PPARGC1A: variants seen among roughly 807,000 people sequenced by gnomAD.
PPARGC1A encodes the protein peroxisome proliferator-activated receptor gamma coactivator 1-alpha.
Under a neutral mutation model 88.7 loss-of-function variants are expected in PPARGC1A, and 25 were observed. The ratio of observed to expected loss-of-function variants is 0.28; its 90% confidence interval spans 0.21 to 0.39. PPARGC1A has a LOEUF of 0.39. Among genes scored for constraint, PPARGC1A ranks in the 10% least tolerant of loss-of-function variants. The pLI is 1.00. For synonymous variants in PPARGC1A, 363 were observed against 355.6 expected (o/e 1.02, Z -0.24); for missense variants, 880 against 968.7 (o/e 0.91, Z 1.22).
chr4:24,338,006 C>T, the PPARGC1A span, among the ~76,000 whole-genome samples: 18 of 152,128 alleles, frequency 1.2e-4, no homozygotes, highest in Non-Finnish European at 2.1e-4. Flanking sequence ...GTCTGAACTC[C>T]CCTCTTCTCT....
chr4:23,981,644 A>T, the PPARGC1A span, among the ~76,000 whole-genome samples: 1 of 152,224 alleles, frequency 6.6e-6, no homozygotes, highest in East Asian at 1.9e-4. Flanking sequence ...CGAGGAGTCC[A>T]CAACCAGAGA....
At chr4:23,827,346 C>A (rs1175800626) in intron 5 of PPARGC1A, among the ~76,000 whole-genome samples, 2 of 151,884 alleles carry the variant, frequency 1.3e-5, no homozygotes, top group Admixed American at 6.6e-5. Context: ...TAACAGCATA[C>A]CTACACGAAT....
the PPARGC1A span, among the ~76,000 whole-genome samples, chr4:24,287,156 G>C: frequency 2.0e-5 from 3 of 151,356 alleles, no homozygotes; most frequent in South Asian, 6.3e-4. Context: ...CAGCATCCCT[G>C]AGCTCTACCT....
the PPARGC1A span, among the ~76,000 whole-genome samples, chr4:24,130,026 A>C: frequency 6.6e-5 from 10 of 152,186 alleles, no homozygotes; most frequent in African/African-American, 2.4e-4. Context: ...GAGGGACAGC[A>C]TTTGGAGATA....
chr4:23,858,865 C>G (rs549283228), intron 2 of PPARGC1A, among the ~76,000 whole-genome samples: 46 of 150,642 alleles, frequency 3.1e-4, no homozygotes, highest in African/African-American at 1.1e-3. Context: ...TATGGACTGG[C>G]TGAGTTGAAA....
At chr4:23,896,740 CA>C (rs1323220374) in intron 1 of PPARGC1A, among the ~76,000 whole-genome samples, 1 of 151,992 alleles carries the variant, frequency 6.6e-6, no homozygotes, top group East Asian at 1.9e-4. Context: ...TTCATTTATA[CA>C]ATAGTAAATA....
the PPARGC1A span, among the ~76,000 whole-genome samples, chr4:24,220,644 G>A: frequency 2.6e-5 from 4 of 152,130 alleles, no homozygotes; most frequent in East Asian, 1.9e-4. Context: ...AATAATGCAC[G>A]TTCTCACTTA....
At chr4:23,907,220 T>C, upstream of PPARGC1A, among the ~76,000 whole-genome samples, 1 of 151,994 alleles carries the variant, frequency 6.6e-6, no homozygotes, top group East Asian at 1.9e-4. Flanking sequence ...CCATCGCACC[T>C]AAAAAAACAA....
chr4:24,087,299 A>C, the PPARGC1A span, among the ~76,000 whole-genome samples: 5 of 152,300 alleles, frequency 3.3e-5, no homozygotes, highest in East Asian at 9.7e-4. Flanking sequence ...ATCCAATTTC[A>C]CTTAGTTTTG....
chr4:24,386,077 G>C, the PPARGC1A span, among the ~76,000 whole-genome samples: 1 of 152,176 alleles, frequency 6.6e-6, no homozygotes, highest in African/African-American at 2.4e-5. Context: ...GGGATGCAAG[G>C]CTGGTTCAAC....
chr4:24,180,686 AAT>A, the PPARGC1A span, among the ~76,000 whole-genome samples: 1 of 152,182 alleles, frequency 6.6e-6, no homozygotes, highest in Non-Finnish European at 1.5e-5. Flanking sequence ...TCATGATCTG[AAT>A]AAGCAACTTG....
At chr4:24,198,531 C>T in the PPARGC1A span, among the ~76,000 whole-genome samples, 1 of 152,162 alleles carries the variant, frequency 6.6e-6, no homozygotes, top group Non-Finnish European at 1.5e-5. Flanking sequence ...TCTGAGACAC[C>T]TTTCCTCCAA....
chr4:24,470,644 C>T, the PPARGC1A span, among the ~76,000 whole-genome samples: 2 of 151,962 alleles, frequency 1.3e-5, no homozygotes, highest in Admixed American at 1.3e-4. The surrounding 1 kb of genome is among the most constrained non-coding windows in gnomAD (Gnocchi z 5.8). Context: ...ATCCTCACTC[C>T]GCGCGCCTGG....
chr4:24,008,267 T>C, the PPARGC1A span, among the ~76,000 whole-genome samples: 5 of 152,066 alleles, frequency 3.3e-5, no homozygotes, highest in African/African-American at 4.8e-5. Flanking sequence ...CGCAACCAAC[T>C]TGGGGAAGAT....
At chr4:24,092,568 A>G in the PPARGC1A span, among the ~76,000 whole-genome samples, 1 of 152,138 alleles carries the variant, frequency 6.6e-6, no homozygotes, top group African/African-American at 2.4e-5. Flanking sequence ...CCCTGCCTAT[A>G]TCACTTAATA....
At chr4:24,041,729 C>T in the PPARGC1A span, among the ~76,000 whole-genome samples, 2 of 152,012 alleles carry the variant, frequency 1.3e-5, no homozygotes, top group East Asian at 1.9e-4. Context: ...GTCAAAGATT[C>T]GACACACACC....
rs35160015 is a variant in PPARGC1A at position 23,899,061 on chromosome 4, C to G, written n.52+206G>C. Among the ~76,000 whole-genome samples the G allele has an allele frequency of 0.01, 1,050 of 101,638 alleles. 49 individuals carry two copies. The East Asian group carries it at 0.13, about 13-fold the overall frequency. The allele number at this position is 101,638 out of a possible 152,430, so 66.7% of individuals were successfully genotyped here. A position where few individuals can be genotyped will look rare whatever the true frequency, so the allele number is the denominator to read the frequency against. On this transcript the variant is annotated intron_variant and non_coding_transcript_variant, in intron 1 of 3. Coordinates refer to the PPARGC1A transcript ENST00000507342. ...TTCACCATGTTGGTCAGGCTGGTCT[C>G]GAACTCCAGACCTGATGATCCACCC...
At chr4:24,058,903 C>G in the PPARGC1A span, among the ~76,000 whole-genome samples, 2 of 152,208 alleles carry the variant, frequency 1.3e-5, no homozygotes, top group East Asian at 3.9e-4. Flanking sequence ...CGAGATCATG[C>G]CATTGCACCC....
the PPARGC1A span, among the ~76,000 whole-genome samples, chr4:24,380,723 ATGTCT>A: frequency 2.0e-5 from 3 of 152,168 alleles, no homozygotes; most frequent in African/African-American, 7.2e-5. Context: ...CAGAATCGAC[ATGTCT>A]TAATGGCCAG....
Sources: allele counts gnomAD v4.1 joint callset (sites outside exome capture counted in the v4.1 genomes callset), GRCh38; gene constraint gnomAD v4.1.1; non-coding constraint Gnocchi (gnomAD v3.1); transcripts MANE v1.5; gene names NCBI Gene and HGNC (gene_info 2026-07-23, HGNC 2026-07-21).